The following NBEA variants were observed in gnomAD, a reference collection of about 807,000 sequenced individuals.
The protein encoded by NBEA is lysosomal-trafficking regulator 2.
A neutral mutation model predicts 343.4 loss-of-function variants in NBEA; 44 were observed. The ratio of observed to expected loss-of-function variants is 0.13; its 90% CI spans 0.10 to 0.16. The LOEUF (loss-of-function observed/expected upper bound fraction) is 0.16. Among genes scored for constraint, NBEA ranks in the 10% least tolerant of loss-of-function variants. The probability of loss-of-function intolerance (pLI) is 1.00; values close to 1 mark genes in which losing one functional copy is unlikely to be tolerated. For synonymous variants in NBEA, 1,175 were observed against 1,238.7 expected (o/e 0.95, Z 1.08); for missense variants, 2,555 against 3,631.3 (o/e 0.70, Z 7.62).
chr13:35,633,629 A>G (rs1384525696), intron 49 of NBEA, among the ~76,000 whole-genome samples: 1 of 151,958 alleles, frequency 6.6e-6, no homozygotes, highest in Non-Finnish European at 1.5e-5. Flanking sequence ...CAGTCACTTG[A>G]ATTTTATGTA....
At chr13:35,333,022 A>G (rs2039022992) in intron 36 of NBEA, among the ~76,000 whole-genome samples, 1 of 152,114 alleles carries the variant, frequency 6.6e-6, no homozygotes. Context: ...CTAGCCTGGA[A>G]CTATCAGACT....
chr13:35,463,180 G>A (rs1177744545), intron 40 of NBEA, among the ~76,000 whole-genome samples: 1 of 152,152 alleles, frequency 6.6e-6, no homozygotes, highest in Non-Finnish European at 1.5e-5. Context: ...AGTAGTAAGA[G>A]AAAAGGAAAG....
chr13:35,495,665 A>T (rs1306372713), intron 41 of NBEA, among the ~76,000 whole-genome samples: 4 of 152,102 alleles, frequency 2.6e-5, no homozygotes, highest in Non-Finnish European at 5.9e-5. Context: ...AACCAACCAG[A>T]CCTAATACAC....
intron 47 of NBEA, among the ~76,000 whole-genome samples, chr13:35,598,300 G>A (rs1295443172): frequency 1.3e-5 from 2 of 152,196 alleles, no homozygotes; most frequent in African/African-American, 4.8e-5. Flanking sequence ...GGAATAAGTT[G>A]TCGATTACCC....
intron 1 of NBEA, among the ~76,000 whole-genome samples, chr13:35,040,399 C>T (rs1426800935): frequency 2.6e-5 from 4 of 151,830 alleles, no homozygotes; most frequent in Non-Finnish European, 5.9e-5. Context: ...ATTACAAGAC[C>T]TTGCATACTT....
intron 35 of NBEA, among the ~76,000 whole-genome samples, chr13:35,296,368 G>A (rs1326331128): frequency 1.4e-5 from 2 of 147,572 alleles, no homozygotes; most frequent in Admixed American, 6.8e-5. Flanking sequence ...GCGACAGAGC[G>A]AGACTCAGTC....
At chr13:35,462,489 C>T (rs1287433971) in intron 40 of NBEA, among the ~76,000 whole-genome samples, 1 of 152,150 alleles carries the variant, frequency 6.6e-6, no homozygotes, top group Non-Finnish European at 1.5e-5. Flanking sequence ...AGGTAGAAAG[C>T]ATGAGTCAGG....
rs1267720232 is a variant in NBEA at position 35,475,689 on chromosome 13, C to G, written c.6585+3153C>G. 8 of 1,613,760 alleles carry G rather than the reference C, an allele frequency of 5.0e-6. No individual in the cohort carries two copies. The East Asian group carries it at 1.1e-4, about 23-fold the overall frequency. On this transcript the variant is annotated intron_variant, in intron 41 of 58. Coordinates refer to ENST00000379939, the MANE Select transcript of NBEA (RefSeq NM_001385012.1). ...TCACTTCGCTGGTGTCTGCCACCATCTTTACCACATCCCGGTAGCTACATT... is the reference window on the plus strand; with the variant it reads ...TCACTTCGCTGGTGTCTGCCACCATGTTTACCACATCCCGGTAGCTACATT...
At chr13:35,308,977 A>T (rs1013837745) in intron 35 of NBEA, among the ~76,000 whole-genome samples, 1 of 151,594 alleles carries the variant, frequency 6.6e-6, no homozygotes, top group Non-Finnish European at 1.5e-5. Flanking sequence ...ACTTTTTTTT[A>T]CAATTTTCAA....
At chr13:35,273,661 A>G (rs2034351351) in intron 34 of NBEA, among the ~76,000 whole-genome samples, 1 of 152,188 alleles carries the variant, frequency 6.6e-6, no homozygotes, top group Non-Finnish European at 1.5e-5. Context: ...AATAGATGCA[A>G]TAAAAAATGA....
intron 1 of NBEA, among the ~76,000 whole-genome samples, chr13:35,006,991 GC>G (rs2061340483): frequency 6.6e-6 from 1 of 152,180 alleles, no homozygotes; most frequent in African/African-American, 2.4e-5. Flanking sequence ...ACAATATGTT[GC>G]TGCTTCTTTG....
chr13:35,671,075 C>T lies in NBEA; in HGVS notation c.*84C>T. ...GGCAATATCTCTGGTGGAAAAAACT[C>T]GTCTACATCGACCTCCGTTTGTACA... On this transcript the variant is annotated 3_prime_UTR_variant, in exon 59 of 59. Coordinates refer to ENST00000379939, the MANE Select transcript of NBEA (RefSeq NM_001385012.1). The T allele has an allele frequency of 4.4e-6, 4 of 908,284 alleles. No homozygotes were observed. Among genetic ancestry groups the T allele is most frequent in the Admixed American group, 4.2e-5 (2 of 47,988 alleles). The allele number at this position is 908,284 out of a possible 1,614,324, so 56.3% of individuals were successfully genotyped here.
At chr13:35,441,797 GT>G (rs752041528) in intron 39 of NBEA, among the ~76,000 whole-genome samples, 3 of 146,162 alleles carry the variant, frequency 2.1e-5, no homozygotes, top group African/African-American at 2.6e-5. Flanking sequence ...ATGGAAAAAG[GT>G]TAAAACTCTA....
chr13:35,350,416 G>A (rs1158161398), intron 37 of NBEA, among the ~76,000 whole-genome samples: 1 of 151,954 alleles, frequency 6.6e-6, no homozygotes, highest in Non-Finnish European at 1.5e-5. Flanking sequence ...CCCATAGGCT[G>A]TGTATCTGTT....
chr13:35,563,909 A>C (rs1332203891), intron 44 of NBEA, among the ~76,000 whole-genome samples: 1 of 151,738 alleles, frequency 6.6e-6, no homozygotes, highest in Non-Finnish European at 1.5e-5. Context: ...AGGTTCAAGG[A>C]GTACATGTGC....
intron 28 of NBEA, among the ~76,000 whole-genome samples, chr13:35,177,906 A>G (rs1315818212): frequency 6.6e-6 from 1 of 151,798 alleles, no homozygotes; most frequent in Non-Finnish European, 1.5e-5. Context: ...GAACATGATT[A>G]AAATATATTT....
At chr13:35,556,504 C>T (rs1410286) in intron 44 of NBEA, among the ~76,000 whole-genome samples, 135,070 of 151,998 alleles carry the variant, frequency 0.89, 60,940 homozygotes, top group East Asian at 1. Flanking sequence ...ATCATCTTGT[C>T]TTATACTTTT....
intron 17 of NBEA, among the ~76,000 whole-genome samples, chr13:35,136,238 T>C (rs1317300344): frequency 6.6e-6 from 1 of 152,160 alleles, no homozygotes; most frequent in African/African-American, 2.4e-5. Context: ...ACGGAATTCC[T>C]AGATTTCTCC....
At chr13:34,955,969 C>A (rs1161667794) in intron 1 of NBEA, among the ~76,000 whole-genome samples, 1 of 152,172 alleles carries the variant, frequency 6.6e-6, no homozygotes, top group Non-Finnish European at 1.5e-5. Context: ...TAAGTTGACA[C>A]CTAAAATTAA....
Sources: gnomAD v4.1 joint callset for allele counts (sites outside exome capture counted in the v4.1 genomes callset) on GRCh38, gnomAD v4.1.1 for gene constraint, MANE v1.5 for transcripts, NCBI Gene and HGNC (gene_info 2026-07-23, HGNC 2026-07-21) for gene names.